ATP6V0C: variants seen among roughly 807,000 people sequenced by gnomAD.
The protein encoded by ATP6V0C is V-type proton ATPase 16 kDa proteolipid subunit c.
ATP6V0C carries 2 observed loss-of-function variants against 10.6 expected under a neutral mutation model. The observed-to-expected ratio is 0.19, with a 90% CI of 0.08 to 0.59. The LOEUF is 0.59. ATP6V0C is among the 20% of genes least tolerant of loss of function. The pLI is 0.90. For missense variants in ATP6V0C, 89 were observed against 225.9 expected, an observed-to-expected ratio of 0.39 and a Z score of 3.88; for synonymous variants, 128 against 101.3, an observed-to-expected ratio of 1.26 and a Z score of -1.59.
intron 1 of ATP6V0C, among the ~76,000 whole-genome samples, chr16:2,514,770 C>T (rs548880852): frequency 6.6e-6 from 1 of 152,204 alleles, no homozygotes; most frequent in Non-Finnish European, 1.5e-5. Context: ...GTTACAGTTG[C>T]CCAATACCCG....
At position 2,520,105 on chromosome 16, in the gene ATP6V0C, G is replaced by T; in HGVS notation, c.*360G>T. 1 of 593,000 alleles carries T rather than the reference G, an allele frequency of 1.7e-6. No homozygotes were observed. 36.7% of individuals were successfully genotyped at this position (593,000 alleles called of 1,614,324 possible). A position where few individuals can be genotyped will look rare whatever the true frequency, so the allele number is the denominator to read the frequency against. On this transcript the variant is annotated 3_prime_UTR_variant, in exon 3 of 3. Coordinates refer to ENST00000330398, the MANE Select transcript of ATP6V0C (RefSeq NM_001694.4). ...TGTCTCCCAGCTATCTATAACCTTA[G>T]CTAGAGTGTCGCCTTGTGGGTTCCT...
chr16:2,517,432 C>A (rs977404764), intron 1 of ATP6V0C: 1 of 152,364 alleles, frequency 6.6e-6, no homozygotes, highest in Admixed American at 6.5e-5. Context: ...CTATCCAGAG[C>A]CCTTGTCTTA....
chr16:2,516,450 C>T (rs2065877615), intron 1 of ATP6V0C, among the ~76,000 whole-genome samples: 1 of 152,194 alleles, frequency 6.6e-6, no homozygotes, highest in South Asian at 2.1e-4. Flanking sequence ...AGCATGCTTT[C>T]CTCCAGGACC....
intron 1 of ATP6V0C, among the ~76,000 whole-genome samples, chr16:2,515,300 C>T (rs1168981147): frequency 1.3e-5 from 2 of 152,014 alleles, no homozygotes; most frequent in Non-Finnish European, 2.9e-5. Context: ...GTCTGATTTC[C>T]GCCTCCGTGG....
At chr16:2,518,900 T>C in intron 1 of ATP6V0C, 1 of 334,930 alleles carries the variant, frequency 3.0e-6, no homozygotes, top group Non-Finnish European at 5.5e-6. Flanking sequence ...CTCCCTGGGG[T>C]GACAGGTGGG....
At chr16:2,514,861 G>A (rs750184968) in intron 1 of ATP6V0C, among the ~76,000 whole-genome samples, 3 of 152,226 alleles carry the variant, frequency 2.0e-5, no homozygotes, top group Non-Finnish European at 4.4e-5. Context: ...GGGAGTGTGT[G>A]GAAGTGGAGG....
rs780332694 is a variant in ATP6V0C at position 2,519,747 on chromosome 16, C to T, written c.*2C>T. On this transcript the variant is annotated 3_prime_UTR_variant, in exon 3 of 3. Coordinates refer to ENST00000330398, the MANE Select transcript of ATP6V0C (RefSeq NM_001694.4). Reference sequence around the variant, plus strand: ...GCCCTCATCCTCTCCACAAAGTAGACCCTCTCCGAGCCCACCAGCCACAGA... The same window carrying T: ...GCCCTCATCCTCTCCACAAAGTAGATCCTCTCCGAGCCCACCAGCCACAGA... The T allele has an allele frequency of 2.5e-6, 4 of 1,594,806 alleles. No homozygotes were observed. Among genetic ancestry groups the T allele is most frequent in the Non-Finnish European group, 3.4e-6 (4 of 1,166,228 alleles).
At chr16:2,519,449 A>T (rs368293163) in intron 2 of ATP6V0C, 48 bp downstream of exon 2, 1 of 1,575,956 alleles carries the variant, frequency 6.3e-7, no homozygotes, top group Non-Finnish European at 8.6e-7. Flanking sequence ...GACTGCAGGG[A>T]GGGGGGCGGT....
At chr16:2,518,751 C>G (rs149238329) in intron 1 of ATP6V0C, among the ~76,000 whole-genome samples, 60 of 152,300 alleles carry the variant, frequency 3.9e-4, no homozygotes, top group African/African-American at 1.4e-3. Flanking sequence ...CTGCTTCTGA[C>G]CCTCCGGTCA....
At chr16:2,519,069 C>G (rs987126285) in intron 1 of ATP6V0C, 149 bp from the exon 2 acceptor site, 23 of 941,844 alleles carry the variant, frequency 2.4e-5, no homozygotes, top group African/African-American at 3.4e-5. Flanking sequence ...CCTGGGTCCT[C>G]TTGCCCTGGG....
At chr16:2,519,153 C>T (rs2065894150) in intron 1 of ATP6V0C, 65 bp from the exon 2 acceptor site, 7 of 1,492,144 alleles carry the variant, frequency 4.7e-6, no homozygotes, top group South Asian at 1.3e-5. Flanking sequence ...CAAAGCTACA[C>T]CTCGGGGTCC....
At position 2,519,420 on chromosome 16, in the gene ATP6V0C, C is replaced by T. The variant is rs2065896289; in HGVS notation, c.263+19C>T. 15 of 1,604,396 alleles carry T rather than the reference C, an allele frequency of 9.3e-6. No homozygotes were observed. The East Asian group carries it at 2.0e-4, about 22-fold the overall frequency. ...TCTACAAGTGAGCACTGGGGTCAGG[C>T]CCCTGCCCAGGGCTGGAGGACTGCA... On this transcript the variant is annotated intron_variant, in intron 2 of 2. Transcript: ENST00000330398.
Position 2,520,084 on chromosome 16 carries a change from T to C in ATP6V0C, c.*339T>C, listed in dbSNP as rs1040562300. The stretch of plus-strand genomic sequence containing the variant: ...CTGCGTCTGCGGAGCGGCCCTTGTC[T>C]CCCAGCTATCTATAACCTTAGCTAG... On this transcript the variant is annotated 3_prime_UTR_variant, in exon 3 of 3. Transcript: ENST00000330398. 9.1e-5 allele frequency: 56 copies of C among 615,682 alleles called. No individual in the cohort carries two copies. The highest frequency in any genetic ancestry group is 1.5e-4 in the Non-Finnish European group (51 of 330,772). 38.1% of individuals were successfully genotyped at this position (615,682 alleles called of 1,614,324 possible).
Position 2,519,825 on chromosome 16 carries a change from ACGCACGGGGCCGC to A in ATP6V0C, c.*84_*96del. Reference sequence around the variant, plus strand: ...TTCCAGAACGAACAGCCTGACACATACGCACGGGGCCGCCGCCCCCAGTAGTTGGTCTTGTACA... The same window carrying A: ...TTCCAGAACGAACAGCCTGACACATACGCCCCCAGTAGTTGGTCTTGTACA... On this transcript the variant is annotated 3_prime_UTR_variant, in exon 3 of 3. Transcript: ENST00000330398. 1 of 1,546,384 alleles carries A rather than the reference ACGCACGGGGCCGC, an allele frequency of 6.5e-7. No individual in the cohort carries two copies. The highest frequency in any genetic ancestry group is 8.9e-7 in the Non-Finnish European group (1 of 1,125,142).
Position 2,514,054 on chromosome 16 carries a change from C to G in ATP6V0C, c.-50C>G, listed in dbSNP as rs374226750. On this transcript the variant is annotated 5_prime_UTR_variant, in exon 1 of 3. Coordinates refer to ENST00000330398, the MANE Select transcript of ATP6V0C (RefSeq NM_001694.4). ...GTGCCCGGCCCGTCCTCGCCCCCGC[C>G]TCCGCCACCGCCTCGGCCCGCAGAG... 6 of 1,515,680 alleles carry G rather than the reference C, an allele frequency of 4.0e-6. No homozygotes were observed. The highest frequency in any genetic ancestry group is 5.3e-6 in the Non-Finnish European group (6 of 1,124,366). The allele number at this position is 1,515,680 out of a possible 1,614,324, so 93.9% of individuals were successfully genotyped here. A position where few individuals can be genotyped will look rare whatever the true frequency, so the allele number is the denominator to read the frequency against.
At chr16:2,514,420 G>A in intron 1 of ATP6V0C, 2 of 244,150 alleles carry the variant, frequency 8.2e-6, no homozygotes, top group Admixed American at 5.7e-5. Context: ...GGTCCGGGCC[G>A]GCGGCCCTGC....
intron 1 of ATP6V0C, among the ~76,000 whole-genome samples, chr16:2,515,787 T>C (rs1567421569): frequency 6.6e-6 from 1 of 152,226 alleles, no homozygotes; most frequent in Non-Finnish European, 1.5e-5. Flanking sequence ...TGCCAGGTAC[T>C]GGTAGGACAG....
In ATP6V0C at chr16:2,519,799, A is replaced by G. The variant is rs1391407262; in HGVS notation, c.*54A>G. 8 of 1,575,164 alleles carry G rather than the reference A, an allele frequency of 5.1e-6. No individual in the cohort carries two copies. The highest frequency in any genetic ancestry group is 2.6e-6 in the Non-Finnish European group (3 of 1,152,308). ...TATTATGTAAAGACCACCCCTCCTC[A>G]TTCCAGAACGAACAGCCTGACACAT... On this transcript the variant is annotated 3_prime_UTR_variant, in exon 3 of 3. Transcript: ENST00000330398.
chr16:2,520,021 C>T lies in ATP6V0C; in HGVS notation c.*276C>T. Reference sequence around the variant, plus strand: ...CGGATGATTTAGAATTGTCATTTCTCTTTACTGGATGTTTATTTATAAAGA... The same window carrying T: ...CGGATGATTTAGAATTGTCATTTCTTTTTACTGGATGTTTATTTATAAAGA... On this transcript the variant is annotated 3_prime_UTR_variant, in exon 3 of 3. Coordinates refer to ENST00000330398, the MANE Select transcript of ATP6V0C (RefSeq NM_001694.4). 1 of 679,580 alleles carries T rather than the reference C, an allele frequency of 1.5e-6. No homozygotes were observed. 42.1% of individuals were successfully genotyped at this position (679,580 alleles called of 1,614,324 possible). A position where few individuals can be genotyped will look rare whatever the true frequency, so the allele number is the denominator to read the frequency against.
Sources: gnomAD v4.1 joint callset for allele counts (sites outside exome capture counted in the v4.1 genomes callset) on GRCh38, gnomAD v4.1.1 for gene constraint, MANE v1.5 for transcripts, NCBI Gene and HGNC (gene_info 2026-07-23, HGNC 2026-07-21) for gene names.